Variants in ARHGEF3 observed in about 807,000 individuals in gnomAD.
ARHGEF3 encodes the protein 59.8 kDA protein.
In ARHGEF3, 28 loss-of-function variants were observed where a neutral mutation model predicts 63.2. The observed-to-expected ratio is 0.44, with a 90% CI of 0.33 to 0.61. ARHGEF3 has a LOEUF of 0.61. Ranked by LOEUF, ARHGEF3 falls within the 20% of genes least tolerant of loss-of-function variation. The probability of loss-of-function intolerance (pLI) is 0.03; values close to 1 mark genes in which losing one functional copy is unlikely to be tolerated. For missense variants in ARHGEF3, 533 were observed against 659.3 expected (o/e 0.81, Z 2.10); for synonymous variants, 266 against 254.2 (o/e 1.05, Z -0.44).
At chr3:57,039,335 A>G (rs72874129) in intron 1 of ARHGEF3, among the ~76,000 whole-genome samples, 319 of 152,152 alleles carry the variant, frequency 2.1e-3, no homozygotes, top group African/African-American at 7.4e-3. Flanking sequence ...AGCAACCAGC[A>G]CTCTCATATA....
At chr3:56,784,174 T>C (rs1177263845) in intron 1 of ARHGEF3, among the ~76,000 whole-genome samples, 1 of 152,214 alleles carries the variant, frequency 6.6e-6, no homozygotes, top group Non-Finnish European at 1.5e-5. Flanking sequence ...TGCTCAGAGC[T>C]GGAGAACTTT....
intron 3 of ARHGEF3, among the ~76,000 whole-genome samples, chr3:56,908,472 T>C (rs1185138087): frequency 6.6e-6 from 1 of 152,128 alleles, no homozygotes; most frequent in Non-Finnish European, 1.5e-5. Context: ...AGAGGTGAGG[T>C]GACAAGCACT....
At chr3:56,923,053 T>A (rs1331367772) in intron 3 of ARHGEF3, among the ~76,000 whole-genome samples, 3 of 16,680 alleles carry the variant, frequency 1.8e-4, no homozygotes, top group South Asian at 3.7e-3. Context: ...TATATATATA[T>A]ATATATATAT....
chr3:56,848,816 C>T (rs921173760), intron 4 of ARHGEF3, among the ~76,000 whole-genome samples: 1 of 152,114 alleles, frequency 6.6e-6, no homozygotes, highest in African/African-American at 2.4e-5. Context: ...TACAGGTGCC[C>T]ACCACCACAG....
At chr3:56,961,399 A>G (rs1700273081) in intron 2 of ARHGEF3, among the ~76,000 whole-genome samples, 1 of 152,154 alleles carries the variant, frequency 6.6e-6, no homozygotes, top group Non-Finnish European at 1.5e-5. Context: ...TTGGGATTCA[A>G]ACCCAGATGT....
intron 2 of ARHGEF3, among the ~76,000 whole-genome samples, chr3:56,985,772 C>CAGGCACACCTGGGTCTTAT (rs140689747): frequency 6.6e-6 from 1 of 152,034 alleles, no homozygotes; most frequent in Non-Finnish European, 1.5e-5. Flanking sequence ...CCAGAATGAA[C>CAGGCACACCTGGGTCTTAT]AAGCAGGTGA....
Position 56,753,544 on chromosome 3 carries a change from C to G in ARHGEF3, c.398G>C (p.Gly133Ala). ...CAAGTCTTCTATCAAGTCTTCTTCTCCTTGGGAAAGCTCAAAGATCGCCTG... is the reference window on the plus strand; with the variant it reads ...CAAGTCTTCTATCAAGTCTTCTTCTGCTTGGGAAAGCTCAAAGATCGCCTG... ...RQEAIFELSQ[G>A]EEDLIEDLKL... Residue 133 changes from glycine to alanine, a missense_variant, in exon 4 of 10, where the codon GGA becomes GCA. By Grantham distance (60) the Gly-to-Ala change is moderately conservative. Around this residue, in one of 4 missense-constraint regions of ARHGEF3, gnomAD observed 107 missense variants for 207.9 expected, o/e 0.51. Coordinates refer to ENST00000296315, the MANE Select transcript of ARHGEF3 (RefSeq NM_019555.3). 4 of 1,613,820 alleles carry G rather than the reference C, an allele frequency of 2.5e-6. No individual in the cohort carries two copies. The highest frequency in any genetic ancestry group is 3.4e-6 in the Non-Finnish European group (4 of 1,179,958).
chr3:57,027,756 G>A (rs1437289545), intron 2 of ARHGEF3, among the ~76,000 whole-genome samples: 1 of 152,154 alleles, frequency 6.6e-6, no homozygotes, highest in Non-Finnish European at 1.5e-5. Context: ...CTACTCAGGA[G>A]GCTGAGGCAG....
chr3:57,058,633 C>T (rs1705046260), intron 1 of ARHGEF3, among the ~76,000 whole-genome samples: 1 of 152,074 alleles, frequency 6.6e-6, no homozygotes, highest in Admixed American at 6.6e-5. Context: ...CCCAGCCATC[C>T]CACTACTGGG....
intron 4 of ARHGEF3, among the ~76,000 whole-genome samples, chr3:56,876,789 CCACCACCAGCTCCAT>C (rs2040598832): frequency 6.6e-6 from 1 of 152,200 alleles, no homozygotes. Flanking sequence ...AAAAGATGCC[CCACCACCAGCTCCAT>C]CGCCACCAGC....
rs372668985 is a variant in ARHGEF3 at position 56,801,933 on chromosome 3, C to T, written c.-135G>A. ...ACGGAGACCGACAGCCGGCTTCTAG[C>T]CGGGCAGGACTCGACTGGGCTCCGG... On this transcript the variant is annotated 5_prime_UTR_variant, in exon 1 of 10. Transcript: ENST00000296315. The T allele has an allele frequency of 1.5e-3, 2,290 of 1,536,590 alleles. 28 individuals are homozygous for T. In the African/African-American group the frequency reaches 0.025, roughly 17 times the overall value.
At position 57,058,222 on chromosome 3, in the gene ARHGEF3, C is replaced by T. The variant is rs1705028571; in HGVS notation, c.-28+21004G>A. Among the ~76,000 whole-genome samples, 2 of 152,122 alleles carry T rather than the reference C, an allele frequency of 1.3e-5. 1 individual carries two copies. Among genetic ancestry groups the T allele is most frequent in the South Asian group, 4.1e-4 (2 of 4,824 alleles). On this transcript the variant is annotated intron_variant, in intron 1 of 12. Coordinates refer to the ARHGEF3 transcript ENST00000338458. ...AAGGAATGCCTGGAAATTAGTATTA[C>T]CACTTGCTCCCTCAAGGGCCAATCT...
chr3:57,015,454 TTTTTA>T (rs1402489222), intron 2 of ARHGEF3, among the ~76,000 whole-genome samples: 5 of 152,074 alleles, frequency 3.3e-5, no homozygotes, highest in African/African-American at 1.2e-4. Context: ...TTAAAAATTC[TTTTTA>T]TTTTTTCTCT....
In ARHGEF3 at chr3:56,801,929, C is replaced by G. The variant is rs779405412; in HGVS notation, c.-131G>C. ...CGACACGGAGACCGACAGCCGGCTT[C>G]TAGCCGGGCAGGACTCGACTGGGCT... On this transcript the variant is annotated 5_prime_UTR_variant, in exon 1 of 10. Coordinates refer to ENST00000296315, the MANE Select transcript of ARHGEF3 (RefSeq NM_019555.3). 74 of 1,534,138 alleles carry G rather than the reference C, an allele frequency of 4.8e-5. No individual in the cohort carries two copies. Among genetic ancestry groups the G allele is most frequent in the Non-Finnish European group, 6.5e-5 (74 of 1,142,584 alleles).
intron 4 of ARHGEF3, among the ~76,000 whole-genome samples, chr3:56,870,045 T>C (rs1208292807): frequency 6.6e-6 from 1 of 152,164 alleles, no homozygotes; most frequent in African/African-American, 2.4e-5. Context: ...TTACAAACAC[T>C]GTTATTTAAA....
At chr3:57,067,648 A>G (rs1705626540) in intron 1 of ARHGEF3, among the ~76,000 whole-genome samples, 2 of 150,792 alleles carry the variant, frequency 1.3e-5, no homozygotes, top group South Asian at 2.1e-4. Context: ...CAGCCTGGGT[A>G]ATACAGAGAG....
At chr3:56,823,017 A>G (rs1232716357) in intron 4 of ARHGEF3, among the ~76,000 whole-genome samples, 2 of 152,098 alleles carry the variant, frequency 1.3e-5, no homozygotes, top group East Asian at 3.9e-4. Context: ...AATATTGTAA[A>G]CCATCAGTCT....
chr3:56,782,813 C>T (rs1368690123), intron 1 of ARHGEF3, among the ~76,000 whole-genome samples: 1 of 152,114 alleles, frequency 6.6e-6, no homozygotes, highest in Non-Finnish European at 1.5e-5. Flanking sequence ...AATCTCTTGC[C>T]CCGTCTCATG....
intron 3 of ARHGEF3, among the ~76,000 whole-genome samples, chr3:56,948,524 T>C (rs950476916): frequency 1.3e-4 from 19 of 151,944 alleles, no homozygotes; most frequent in African/African-American, 3.9e-4. Flanking sequence ...AACTAGAAAA[T>C]CTAGAAGAAA....
Sources: gnomAD v4.1 joint callset for allele counts (sites outside exome capture counted in the v4.1 genomes callset) on GRCh38, gnomAD v4.1.1 for gene constraint, gnomAD v4.1.1 regional missense constraint, MANE v1.5 for transcripts, NCBI Gene and HGNC (gene_info 2026-07-23, HGNC 2026-07-21) for gene names.